Variants in CCNH observed in about 807,000 individuals in gnomAD.
CCNH encodes the protein cyclin H.
Under a neutral mutation model 41.9 loss-of-function variants are expected in CCNH, and 31 were observed. The observed-to-expected ratio is 0.74, with a 90% CI of 0.56 to 1.00. The LOEUF is 1.00. CCNH is among the 50% of genes least tolerant of loss of function. The pLI, the probability that CCNH is intolerant of heterozygous loss-of-function variation, is 0.00. For missense variants in CCNH, 362 were observed against 388.4 expected, an observed-to-expected ratio of 0.93 and a Z score of 0.57; for synonymous variants, 138 against 136.1, an observed-to-expected ratio of 1.01 and a Z score of -0.10.
At chr5:87,338,911 G>A (rs569585068) in intron 9 of CCNH, among the ~76,000 whole-genome samples, 7 of 151,678 alleles carry the variant, frequency 4.6e-5, no homozygotes, top group African/African-American at 1.2e-4. Flanking sequence ...CATATAATAC[G>A]TTATCATGGT....
intron 7 of CCNH, among the ~76,000 whole-genome samples, chr5:87,398,083 A>G (rs754124722): frequency 2.0e-5 from 3 of 152,228 alleles, no homozygotes; most frequent in Non-Finnish European, 4.4e-5. Context: ...TAAAGTCAAC[A>G]TTACTTCTCT....
chr5:87,346,705 T>C, intron 9 of CCNH: 1 of 1,552,012 alleles, frequency 6.4e-7, no homozygotes, highest in Non-Finnish European at 8.9e-7. Flanking sequence ...AACAGGAAGC[T>C]TATAATTTAC....
chr5:87,374,754 G>C, downstream of CCNH: 1 of 1,553,494 alleles, frequency 6.4e-7, no homozygotes, highest in South Asian at 1.2e-5. Context: ...GCAGAAATAG[G>C]GGGTTTATTT....
Position 87,411,495 on chromosome 5 carries a change from T to A in CCNH, c.118-149A>T, listed in dbSNP as rs190669031. On this transcript the variant is annotated intron_variant, in intron 1 of 8. Transcript: ENST00000256897. ...ATTTTCTTTATAGATTCGCTAATCA[T>A]TACACAAAATAGCTGTAGGAAAATA... The A allele has an allele frequency of 6.0e-4, 388 of 649,124 alleles. 2 individuals carry two copies. In the East Asian group the frequency reaches 0.011, roughly 19 times the overall value. The allele number at this position is 649,124 out of a possible 1,614,324, so 40.2% of individuals were successfully genotyped here.
chr5:87,332,420 T>TA, intron 9 of CCNH: 1 of 1,333,398 alleles, frequency 7.5e-7, no homozygotes, highest in Non-Finnish European at 1.1e-6. Flanking sequence ...GTATGGAAAT[T>TA]ATGGATTTAT....
At chr5:87,337,901 T>C in intron 9 of CCNH, 1 of 1,424,282 alleles carries the variant, frequency 7.0e-7, no homozygotes, top group Non-Finnish European at 9.4e-7. Context: ...TATCCTATTT[T>C]GTGGTATATG....
downstream of CCNH, among the ~76,000 whole-genome samples, chr5:87,316,280 A>G (rs968021173): frequency 2.6e-5 from 4 of 152,176 alleles, no homozygotes; most frequent in African/African-American, 9.7e-5. Flanking sequence ...TTGCCTGGTT[A>G]CTATAGTTAT....
intron 9 of CCNH, among the ~76,000 whole-genome samples, chr5:87,360,763 TCA>T (rs780742600): frequency 2.6e-5 from 4 of 152,150 alleles, no homozygotes; most frequent in Non-Finnish European, 5.9e-5. Context: ...ATCTGAAAAA[TCA>T]CAGTCTGAGG....
intron 9 of CCNH, chr5:87,349,089 AAAC>A (rs1561300208): frequency 4.1e-6 from 5 of 1,217,748 alleles, no homozygotes; most frequent in Admixed American, 2.4e-5. Flanking sequence ...CTTAAAAAAA[AAAC>A]AAGTTCCTGG....
At chr5:87,397,638 C>T (rs1019493483) in intron 7 of CCNH, among the ~76,000 whole-genome samples, 2 of 152,078 alleles carry the variant, frequency 1.3e-5, no homozygotes, top group African/African-American at 4.8e-5. Flanking sequence ...AAGCACCCCT[C>T]AAGTACTCAT....
intron 9 of CCNH, among the ~76,000 whole-genome samples, chr5:87,330,737 A>G (rs942868185): frequency 2.6e-5 from 4 of 152,190 alleles, no homozygotes; most frequent in Non-Finnish European, 5.9e-5. Context: ...ATTCTCCCAC[A>G]TGTTTGTTAC....
Position 87,369,867 on chromosome 5 carries a change from T to C in CCNH, c.*90+22903A>G. The C allele has an allele frequency of 2.5e-6, 4 of 1,612,204 alleles. No homozygotes were observed. The highest frequency in any genetic ancestry group is 3.4e-6 in the Non-Finnish European group (4 of 1,178,730). ...ACTTTAGTGAAGAACATTACATCTTTTACTTTGCAGGAGAAACTCCAGAAC... is the reference window on the plus strand; with the variant it reads ...ACTTTAGTGAAGAACATTACATCTTCTACTTTGCAGGAGAAACTCCAGAAC... On this transcript the variant is annotated intron_variant and NMD_transcript_variant, in intron 9 of 9. Transcript: ENST00000645953.
At chr5:87,406,174 T>C (rs1166119552) in intron 4 of CCNH, among the ~76,000 whole-genome samples, 1 of 152,164 alleles carries the variant, frequency 6.6e-6, no homozygotes, top group Non-Finnish European at 1.5e-5. Context: ...TCCTAACCCA[T>C]GATTTCCCCT....
intron 9 of CCNH, among the ~76,000 whole-genome samples, chr5:87,352,941 G>T (rs1247002451): frequency 6.6e-6 from 1 of 151,508 alleles, no homozygotes; most frequent in Non-Finnish European, 1.5e-5. Flanking sequence ...TCAGAATCTG[G>T]GCCATGTATT....
upstream of CCNH, among the ~76,000 whole-genome samples, chr5:87,378,800 A>G (rs904347535): frequency 2.0e-5 from 3 of 152,188 alleles, no homozygotes; most frequent in Non-Finnish European, 2.9e-5. Context: ...CTACTGTACT[A>G]ATAATCTATA....
intron 7 of CCNH, among the ~76,000 whole-genome samples, chr5:87,398,789 C>T (rs368902733): frequency 4.0e-5 from 6 of 151,778 alleles, no homozygotes; most frequent in East Asian, 1.9e-4. Context: ...CTGGCTAACA[C>T]GATGAAACCC....
At chr5:87,393,628 C>CTGT (rs1373174585), downstream of CCNH, 4 of 152,094 alleles carry the variant, frequency 2.6e-5, no homozygotes, top group African/African-American at 7.2e-5. Flanking sequence ...TTCCTAGTAA[C>CTGT]TGTTATAATC....
downstream of CCNH, chr5:87,374,726 A>G: frequency 1.4e-6 from 2 of 1,426,786 alleles, no homozygotes; most frequent in Non-Finnish European, 1.9e-6. Context: ...GGTCTAGCAC[A>G]CTGTTTTTTT....
upstream of CCNH, among the ~76,000 whole-genome samples, chr5:87,380,278 A>T (rs1761617703): frequency 6.6e-6 from 1 of 152,166 alleles, no homozygotes; most frequent in African/African-American, 2.4e-5. Context: ...GGTTCTCTAT[A>T]TCTGAAAGTA....
Sources: gnomAD v4.1 joint callset for allele counts (sites outside exome capture counted in the v4.1 genomes callset) on GRCh38, gnomAD v4.1.1 for gene constraint, MANE v1.5 for transcripts, NCBI Gene and HGNC (gene_info 2026-07-23, HGNC 2026-07-21) for gene names.